Variants in NFXL1 observed in about 807,000 individuals in gnomAD.
NFXL1 encodes the protein NF-X1-type zinc finger protein NFXL1.
NFXL1 carries 66 observed loss-of-function variants against 123.3 expected under a neutral mutation model. The observed-to-expected ratio is 0.54, with a 90% CI of 0.44 to 0.66. The LOEUF is 0.66. NFXL1 is among the 30% of genes least tolerant of loss of function. The probability of loss-of-function intolerance (pLI) is 0.00; values close to 1 mark genes in which losing one functional copy is unlikely to be tolerated. For missense variants in NFXL1, 944 were observed against 1,125.6 expected (o/e 0.84, Z 2.31); for synonymous variants, 346 against 360.8 (o/e 0.96, Z 0.46).
At chr4:47,885,838 TACA>T (rs1736395460) in intron 13 of NFXL1, 38 bp downstream of exon 13, 2 of 1,582,290 alleles carry the variant, frequency 1.3e-6, no homozygotes, top group African/African-American at 1.4e-5. Flanking sequence ...TTTAAATTTG[TACA>T]ACATCAGATG....
intron 5 of NFXL1, among the ~76,000 whole-genome samples, chr4:47,901,277 G>C (rs1472240809): frequency 6.6e-6 from 1 of 152,076 alleles, no homozygotes; most frequent in African/African-American, 2.4e-5. Flanking sequence ...AACAAAATGG[G>C]TTCTTAACCA....
intron 19 of NFXL1, among the ~76,000 whole-genome samples, chr4:47,856,286 G>A (rs1734407148): frequency 6.6e-6 from 1 of 152,028 alleles, no homozygotes; most frequent in Non-Finnish European, 1.5e-5. Context: ...GATTAAATGA[G>A]TTCAGTATAT....
At chr4:47,856,276 G>A (rs1230715542) in intron 19 of NFXL1, among the ~76,000 whole-genome samples, 1 of 152,040 alleles carries the variant, frequency 6.6e-6, no homozygotes, top group Non-Finnish European at 1.5e-5. Flanking sequence ...CTGTTGTGAG[G>A]ATTAAATGAG....
chr4:47,881,194 G>A (rs981541541), intron 15 of NFXL1, among the ~76,000 whole-genome samples: 4 of 151,998 alleles, frequency 2.6e-5, no homozygotes, highest in Non-Finnish European at 5.9e-5. Flanking sequence ...CTAGAAAAGA[G>A]GATACTGAAT....
At chr4:47,854,867 A>C (rs1322820065) in intron 20 of NFXL1, among the ~76,000 whole-genome samples, 192 bp downstream of exon 20, 1 of 151,776 alleles carries the variant, frequency 6.6e-6, no homozygotes, top group African/African-American at 2.4e-5. Flanking sequence ...GTTTAAAATA[A>C]ATGTTTAAAG....
rs767543324 is a variant in NFXL1 at position 47,862,897 on chromosome 4, A to G, written c.2265T>C (p.Asp755=). 10 of 1,575,558 alleles carry G rather than the reference A, an allele frequency of 6.3e-6. No individual in the cohort carries two copies. The African/African-American group carries it at 1.2e-4, about 19-fold the overall frequency. ...AACTGAGGAGGTTCTTTTCATTTACATCAGCTGTGGTTATTTTTCTAAAAA... is the reference window on the plus strand; with the variant it reads ...AACTGAGGAGGTTCTTTTCATTTACGTCAGCTGTGGTTATTTTTCTAAAAA... ...YVECRKITTA[D]VNEKNLLSCC... The change falls in exon 19 of 23, where the codon GAT becomes GAC. Residue 755 remains aspartate, a synonymous_variant. Transcript: ENST00000507489.
At chr4:47,851,797 G>T in intron 21 of NFXL1, 59 bp downstream of exon 21, 1 of 1,111,188 alleles carries the variant, frequency 9.0e-7, no homozygotes, top group Non-Finnish European at 1.4e-6. Flanking sequence ...GTACATAAAT[G>T]CACAAAATAA....
chr4:47,884,232 G>A (rs1736292014), intron 15 of NFXL1, 114 bp downstream of exon 15: 1 of 601,532 alleles, frequency 1.7e-6, no homozygotes. Context: ...GATAGGCTAG[G>A]CCTGAAATAA....
chr4:47,885,672 A>G lies in NFXL1; in HGVS notation c.1665-15T>C. On this transcript the variant is annotated splice_polypyrimidine_tract_variant and intron_variant, in intron 13 of 22. Coordinates refer to ENST00000507489, the MANE Select transcript of NFXL1 (RefSeq NM_001278624.2). ...TTGGTGGTCGACTAAATCATAAAGT[A>G]CAATTTTCAAAAATTACTTTTAGTC... is the stretch of plus-strand genomic sequence containing the variant. 6.2e-7 allele frequency: 1 copy of G among 1,604,712 alleles called. No homozygotes were observed. Among genetic ancestry groups the G allele is most frequent in the Non-Finnish European group, 8.5e-7 (1 of 1,173,236 alleles).
At chr4:47,899,988 G>A (rs1487416872) in intron 5 of NFXL1, among the ~76,000 whole-genome samples, 1 of 152,174 alleles carries the variant, frequency 6.6e-6, no homozygotes, top group African/African-American at 2.4e-5. Flanking sequence ...GAACTTTATT[G>A]AGGAATTCAC....
intron 18 of NFXL1, 31 bp downstream of exon 18, chr4:47,875,096 T>C (rs1460181162): frequency 6.8e-7 from 1 of 1,474,884 alleles, no homozygotes; most frequent in Non-Finnish European, 9.4e-7. Flanking sequence ...CTAATTGTAA[T>C]AAAATAAGAC....
Position 47,894,219 on chromosome 4 carries a change from A to C in NFXL1, c.1413T>G (p.Val471=). Residue 471 remains valine (V), a synonymous_variant, in exon 11 of 23, where the codon GTT becomes GTG. Transcript: ENST00000507489. ...GATGCTTCTGACAGTCACGCATCTT[A>C]ACACACTTAGTTTCACACAGATAAG... The part of the protein sequence containing the change: ...HKPYLCETKC[V]KMRDCQKHQC... 6.2e-7 allele frequency: 1 copy of C among 1,606,958 alleles called. No individual in the cohort carries two copies.
intron 10 of NFXL1, among the ~76,000 whole-genome samples, chr4:47,894,835 T>A (rs1163900137): frequency 6.6e-6 from 1 of 152,222 alleles, no homozygotes; most frequent in African/African-American, 2.4e-5. Flanking sequence ...CTGAATGGCA[T>A]CTAAAATGAG....
chr4:47,870,291 T>G, intron 18 of NFXL1, among the ~76,000 whole-genome samples: 1 of 152,168 alleles, frequency 6.6e-6, no homozygotes, highest in Non-Finnish European at 1.5e-5. Flanking sequence ...TCCTAAACAT[T>G]AGCAAATCCA....
chr4:47,893,848 T>A (rs1736919299), intron 11 of NFXL1, among the ~76,000 whole-genome samples: 2 of 151,956 alleles, frequency 1.3e-5, no homozygotes, highest in Admixed American at 6.6e-5. Context: ...AAAGCAAAAG[T>A]AAAGACAATG....
intron 18 of NFXL1, among the ~76,000 whole-genome samples, chr4:47,865,568 G>GA (rs962582395): frequency 1.3e-5 from 2 of 150,806 alleles, no homozygotes; most frequent in Non-Finnish European, 3.0e-5. Context: ...GTGGAGTTCT[G>GA]AAAAAAACTA....
Position 47,885,359 on chromosome 4 carries a change from T to C in NFXL1, c.1824+139A>G, listed in dbSNP as rs183658543. The C allele has an allele frequency of 1.3e-4, 85 of 642,782 alleles. No individual in the cohort carries two copies. In the East Asian group the frequency reaches 2.2e-3, roughly 17 times the overall value. 39.8% of individuals were successfully genotyped at this position (642,782 alleles called of 1,614,324 possible). ...GTGAGTTGCTTAAAACAAAATCAAG[T>C]CTTGATTACCTTGTACCCTGCTCCA... On this transcript the variant is annotated intron_variant, in intron 14 of 22. Transcript: ENST00000507489.
chr4:47,858,057 TCTAGGTGTAC>T (rs1226345661), intron 19 of NFXL1, among the ~76,000 whole-genome samples: 4 of 152,192 alleles, frequency 2.6e-5, no homozygotes, highest in Non-Finnish European at 5.9e-5. Context: ...CTGAAACTCA[TCTAGGTGTAC>T]ACTGTGCTGG....
At chr4:47,872,568 T>C (rs1735514976) in intron 18 of NFXL1, among the ~76,000 whole-genome samples, 2 of 152,164 alleles carry the variant, frequency 1.3e-5, no homozygotes, top group South Asian at 4.1e-4. Flanking sequence ...GCGAATATCA[T>C]ACTAAAGCAA....
Sources: allele counts gnomAD v4.1 joint callset (sites outside exome capture counted in the v4.1 genomes callset), GRCh38; gene constraint gnomAD v4.1.1; transcripts MANE v1.5; gene names NCBI Gene and HGNC (gene_info 2026-07-23, HGNC 2026-07-21).